NR1H4: variants seen among roughly 807,000 people sequenced by gnomAD.
The protein encoded by NR1H4 is bile acid receptor.
In NR1H4, 23 loss-of-function variants were observed where a neutral mutation model predicts 58.5. The ratio of observed to expected loss-of-function variants is 0.39; its 90% CI spans 0.28 to 0.56. The LOEUF is 0.56. Ranked by LOEUF, NR1H4 falls within the 20% of genes least tolerant of loss-of-function variation. NR1H4 has a pLI of 0.58. For missense variants in NR1H4, 487 were observed against 576.9 expected (o/e 0.84, Z 1.60); for synonymous variants, 214 against 198.0 (o/e 1.08, Z -0.68).
At chr12:100,501,975 G>T (rs564979493) in intron 3 of NR1H4, among the ~76,000 whole-genome samples, 7 of 152,096 alleles carry the variant, frequency 4.6e-5, no homozygotes, top group South Asian at 4.1e-4. Context: ...ATGTACAAAA[G>T]TTATGCTGAA....
chr12:100,559,561 A>G (rs1046639456), intron 9 of NR1H4, among the ~76,000 whole-genome samples: 6 of 152,182 alleles, frequency 3.9e-5, no homozygotes, highest in Non-Finnish European at 7.4e-5. Flanking sequence ...GTCCCCCAGC[A>G]GTGCCAGCCC....
intron 1 of NR1H4, among the ~76,000 whole-genome samples, chr12:100,485,141 G>T (rs1953463553): frequency 6.6e-6 from 1 of 152,192 alleles, no homozygotes. Flanking sequence ...GCTCTATTCT[G>T]AATATGGGGC....
At chr12:100,513,933 C>T (rs956910492) in intron 4 of NR1H4, among the ~76,000 whole-genome samples, 17 of 152,082 alleles carry the variant, frequency 1.1e-4, no homozygotes, top group Non-Finnish European at 2.9e-5. Context: ...AAAAATAAAA[C>T]TTCTACAGTT....
At chr12:100,523,768 A>G (rs959479901) in intron 4 of NR1H4, among the ~76,000 whole-genome samples, 3 of 152,192 alleles carry the variant, frequency 2.0e-5, no homozygotes, top group Non-Finnish European at 2.9e-5. Context: ...AGTTAACCCA[A>G]TTCTTTATTC....
intron 4 of NR1H4, 136 bp downstream of exon 4, chr12:100,511,279 C>T: frequency 3.0e-6 from 3 of 1,015,638 alleles, no homozygotes; most frequent in Non-Finnish European, 3.1e-6. Context: ...CTCCTACATC[C>T]TCACCTTTGT....
chr12:100,480,109 G>A (rs958627678), intron 1 of NR1H4, among the ~76,000 whole-genome samples: 7 of 152,128 alleles, frequency 4.6e-5, no homozygotes, highest in South Asian at 2.1e-4. Flanking sequence ...AACCTAGACC[G>A]AAACTTGGTA....
At chr12:100,535,097 G>T (rs958727362) in intron 6 of NR1H4, 74 bp downstream of exon 6, 2 of 1,577,282 alleles carry the variant, frequency 1.3e-6, no homozygotes, top group Non-Finnish European at 1.7e-6. Context: ...CTGGCCAGGA[G>T]GCTTTCAAAT....
intron 4 of NR1H4, among the ~76,000 whole-genome samples, chr12:100,526,807 C>G (rs1008649491): frequency 6.6e-6 from 1 of 152,194 alleles, no homozygotes; most frequent in Admixed American, 6.5e-5. Flanking sequence ...TCATCCCATT[C>G]CCAATTCTAC....
intron 1 of NR1H4, among the ~76,000 whole-genome samples, chr12:100,491,499 G>A (rs1953605142): frequency 6.7e-6 from 1 of 149,444 alleles, no homozygotes; most frequent in Non-Finnish European, 1.5e-5. Flanking sequence ...TGGTAGGAAG[G>A]TCTCCTGAAT....
chr12:100,512,953 C>T (rs1398122036), intron 4 of NR1H4, among the ~76,000 whole-genome samples: 1 of 152,120 alleles, frequency 6.6e-6, no homozygotes, highest in Non-Finnish European at 1.5e-5. Context: ...TGTGTAAAGC[C>T]ACATTAGTCA....
At chr12:100,481,083 G>T (rs149957279) in intron 1 of NR1H4, among the ~76,000 whole-genome samples, 1 of 152,254 alleles carries the variant, frequency 6.6e-6, no homozygotes, top group African/African-American at 2.4e-5. Context: ...CATTCTGTTG[G>T]TCAACGAATT....
At chr12:100,482,953 GTGTCACTC>G (rs1312732547) in intron 1 of NR1H4, among the ~76,000 whole-genome samples, 17 of 152,120 alleles carry the variant, frequency 1.1e-4, no homozygotes, top group Admixed American at 6.6e-5. Context: ...TTGAGACAGA[GTGTCACTC>G]TGTCACAAGA....
chr12:100,479,367 G>A (rs1280464772), intron 1 of NR1H4, among the ~76,000 whole-genome samples: 1 of 151,992 alleles, frequency 6.6e-6, no homozygotes, highest in Non-Finnish European at 1.5e-5. Context: ...TATTTTCCAA[G>A]AATGATTCAT....
Position 100,519,896 on chromosome 12 carries a change from T to C in NR1H4, c.445+8753T>C, listed in dbSNP as rs1954369252. ...AATAAGTTTTATCTGGTCTTCAGGA[T>C]TGGGGGCTTAAGCTCTGGCGTCTGA... On this transcript the variant is annotated intron_variant, in intron 4 of 10. Transcript: ENST00000392986. 3.9e-5 allele frequency among the ~76,000 whole-genome samples: 6 copies of C among 152,156 alleles called. No homozygotes were observed. The South Asian group carries it at 1.2e-3, about 32-fold the overall frequency.
At chr12:100,515,614 A>G (rs1020517745) in intron 4 of NR1H4, among the ~76,000 whole-genome samples, 5 of 152,260 alleles carry the variant, frequency 3.3e-5, no homozygotes, top group African/African-American at 1.2e-4. Flanking sequence ...AAAGACTGGC[A>G]TAAAATAAAA....
chr12:100,542,251 G>T (rs1954955432), intron 9 of NR1H4, among the ~76,000 whole-genome samples: 1 of 152,158 alleles, frequency 6.6e-6, no homozygotes, highest in Non-Finnish European at 1.5e-5. Flanking sequence ...GGAAGCTGAG[G>T]CAGGAGAATT....
At chr12:100,495,459 A>G (rs1468315807) in intron 3 of NR1H4, among the ~76,000 whole-genome samples, 1 of 152,138 alleles carries the variant, frequency 6.6e-6, no homozygotes, top group Non-Finnish European at 1.5e-5. Context: ...TAGGCTGGGC[A>G]TAGTGGCTCA....
intron 2 of NR1H4, 117 bp from the exon 3 acceptor site, chr12:100,493,153 T>G (rs1332381417): frequency 1.6e-6 from 1 of 616,294 alleles, no homozygotes; most frequent in Non-Finnish European, 2.9e-6. Flanking sequence ...TATAGTAAAA[T>G]GCATTCAAAG....
intron 9 of NR1H4, among the ~76,000 whole-genome samples, chr12:100,556,346 AATCCCAGCTACTCGGG>A (rs1955322930): frequency 6.6e-6 from 1 of 151,916 alleles, no homozygotes; most frequent in Non-Finnish European, 1.5e-5. Flanking sequence ...GCATGCCTGT[AATCCCAGCTACTCGGG>A]AGACTGAGGC....
Sources: gnomAD v4.1 joint callset for allele counts (sites outside exome capture counted in the v4.1 genomes callset) on GRCh38, gnomAD v4.1.1 for gene constraint, MANE v1.5 for transcripts, NCBI Gene and HGNC (gene_info 2026-07-23, HGNC 2026-07-21) for gene names.